The following VPS13A variants were observed in gnomAD, a reference collection of about 807,000 sequenced individuals.
The protein encoded by VPS13A is vacuolar protein sorting 13 homolog A.
In VPS13A, 264 loss-of-function variants were observed where a neutral mutation model predicts 390.9. The observed-to-expected ratio is 0.68, with a 90% CI of 0.61 to 0.75. The LOEUF (loss-of-function observed/expected upper bound fraction) is 0.75. VPS13A is among the 30% of genes least tolerant of loss of function. The probability of loss-of-function intolerance (pLI) is 0.00; values close to 1 mark genes in which losing one functional copy is unlikely to be tolerated. For missense variants in VPS13A, 3,409 were observed against 3,733.9 expected (o/e 0.91, Z 2.27); for synonymous variants, 1,231 against 1,227.1 (o/e 1.00, Z -0.07).
At chr9:77,198,912 C>T (rs1385199927) in intron 1 of VPS13A, among the ~76,000 whole-genome samples, 2 of 152,154 alleles carry the variant, frequency 1.3e-5, no homozygotes, top group South Asian at 2.1e-4. Context: ...ATCCACCTGC[C>T]TCAGCCTCTC....
At chr9:77,328,002 A>G (rs1410377482) in intron 45 of VPS13A, among the ~76,000 whole-genome samples, 1 of 152,224 alleles carries the variant, frequency 6.6e-6, no homozygotes. Flanking sequence ...ATCACTATCT[A>G]TGGGAGCTGT....
At chr9:77,414,664 C>T (rs1428699058) in intron 71 of VPS13A, among the ~76,000 whole-genome samples, 1 of 151,736 alleles carries the variant, frequency 6.6e-6, no homozygotes, top group Non-Finnish European at 1.5e-5. Flanking sequence ...GGGTGCAGCA[C>T]ACCAACATGG....
intron 23 of VPS13A, among the ~76,000 whole-genome samples, chr9:77,262,170 GGTT>G (rs1003911266): frequency 4.6e-5 from 7 of 151,932 alleles, no homozygotes; most frequent in Non-Finnish European, 8.8e-5. Context: ...TTTATTGTTT[GGTT>G]GTTTTTTATC....
chr9:77,382,257 GA>G (rs746974070), intron 68 of VPS13A, 170 bp downstream of exon 68: 3 of 1,473,506 alleles, frequency 2.0e-6, no homozygotes, highest in Middle Eastern at 2.2e-4. Context: ...TTTACTATAA[GA>G]TTTTTTTTTC....
chr9:77,308,459 T>A (rs1161959509), intron 35 of VPS13A, among the ~76,000 whole-genome samples: 1 of 152,120 alleles, frequency 6.6e-6, no homozygotes, highest in Admixed American at 6.6e-5. Flanking sequence ...CCCCATCTTC[T>A]CCCTATCCCT....
intron 2 of VPS13A, among the ~76,000 whole-genome samples, chr9:77,200,938 A>G (rs1472028091): frequency 2.6e-5 from 4 of 152,162 alleles, no homozygotes; most frequent in South Asian, 2.1e-4. Context: ...TCCTAGCACC[A>G]TTTATTTAAA....
chr9:77,264,380 T>C (rs1031050956), intron 23 of VPS13A, among the ~76,000 whole-genome samples: 1 of 152,170 alleles, frequency 6.6e-6, no homozygotes, highest in African/African-American at 2.4e-5. Context: ...ATAAATTACC[T>C]TGGGCAGTAT....
rs779715802 is a variant in VPS13A at position 77,318,382 on chromosome 9, G to A, written c.5104G>A (p.Glu1702Lys). 3.6e-5 allele frequency: 58 copies of A among 1,613,698 alleles called. No individual in the cohort carries two copies. The highest frequency in any genetic ancestry group is 4.8e-5 in the Non-Finnish European group (57 of 1,179,888). The part of the protein sequence containing the change: ...TKTLKMWFLE[E>K]SNETEKIAPT... ...GACTTTAAAAATGTGGTTTCTTGAA[G>A]AATCAAATGAAACTGAAAAAATAGC... Residue 1702 changes from glutamate to lysine, a missense_variant, in exon 41 of 72, where the codon GAA becomes AAA. By Grantham distance (56) the Glu-to-Lys change is moderately conservative. This residue lies in a region of VPS13A where 2,717 missense variants were observed against 2,917.4 expected (regional missense o/e 0.93). Coordinates refer to ENST00000360280, the MANE Select transcript of VPS13A (RefSeq NM_033305.3).
chr9:77,376,160 T>C (rs962740041), intron 67 of VPS13A, among the ~76,000 whole-genome samples: 11 of 152,194 alleles, frequency 7.2e-5, no homozygotes, highest in South Asian at 2.1e-4. Context: ...AAAGCCCTGA[T>C]GCAAGAATGT....
intron 71 of VPS13A, 171 bp downstream of exon 71, chr9:77,407,778 A>T: frequency 1.8e-6 from 1 of 564,550 alleles, no homozygotes. Context: ...TTTACCCCAG[A>T]CTTTTTTTTC....
intron 22 of VPS13A, among the ~76,000 whole-genome samples, chr9:77,257,568 T>G (rs1479637852): frequency 6.6e-6 from 1 of 152,190 alleles, no homozygotes; most frequent in East Asian, 1.9e-4. Flanking sequence ...GCCTGGCCAA[T>G]GTAGTAAGAC....
intron 19 of VPS13A, among the ~76,000 whole-genome samples, chr9:77,245,363 C>G (rs574866266): frequency 5.3e-4 from 80 of 152,290 alleles, no homozygotes; most frequent in Admixed American, 2.5e-3. Flanking sequence ...CAGATAGTCT[C>G]TGGAGAATCT....
intron 57 of VPS13A, 98 bp downstream of exon 57, chr9:77,358,536 T>G: frequency 5.8e-6 from 6 of 1,032,832 alleles, no homozygotes; most frequent in Non-Finnish European, 8.8e-6. Context: ...TTGGGTTTAA[T>G]TTTTATAGGA....
chr9:77,315,034 T>C (rs952595008), intron 37 of VPS13A, among the ~76,000 whole-genome samples: 5 of 152,180 alleles, frequency 3.3e-5, no homozygotes, highest in Non-Finnish European at 5.9e-5. Context: ...CAAACTCTTA[T>C]AATTTATTGA....
Position 77,377,805 on chromosome 9 carries a change from TA to T in VPS13A, c.9078-4170del, listed in dbSNP as rs571413039. 2.6e-5 allele frequency among the ~76,000 whole-genome samples: 4 copies of T among 152,310 alleles called. No homozygotes were observed. In the East Asian group the frequency reaches 7.7e-4, roughly 29 times the overall value. ...GACATGCCTATATTGCTTTTAATCTTAGGGGGAAAGCTTTCAGATGTTCACC... is the reference window on the plus strand; with the variant it reads ...GACATGCCTATATTGCTTTTAATCTTGGGGGAAAGCTTTCAGATGTTCACC... On this transcript the variant is annotated intron_variant, in intron 67 of 71. Transcript: ENST00000360280.
intron 46 of VPS13A, among the ~76,000 whole-genome samples, chr9:77,333,606 G>T (rs1830393450): frequency 6.6e-6 from 1 of 151,824 alleles, no homozygotes; most frequent in Non-Finnish European, 1.5e-5. Flanking sequence ...CAGAGACAGG[G>T]TTTGTCCATT....
intron 68 of VPS13A, among the ~76,000 whole-genome samples, chr9:77,391,312 A>G (rs1209734813): frequency 2.0e-5 from 3 of 152,354 alleles, no homozygotes; most frequent in South Asian, 2.1e-4. Flanking sequence ...TTAGAAAACT[A>G]GTATACATTA....
intron 22 of VPS13A, among the ~76,000 whole-genome samples, chr9:77,259,290 A>C (rs1309321108): frequency 6.6e-6 from 1 of 152,128 alleles, no homozygotes; most frequent in Non-Finnish European, 1.5e-5. Context: ...CAGATTTTTC[A>C]AGAAAGTGAA....
chr9:77,343,455 G>C (rs1830951784), intron 50 of VPS13A, among the ~76,000 whole-genome samples: 1 of 152,198 alleles, frequency 6.6e-6, no homozygotes, highest in Non-Finnish European at 1.5e-5. Flanking sequence ...GAAGGGATCA[G>C]TCTGGTCAGG....
Sources: gnomAD v4.1 joint callset for allele counts (sites outside exome capture counted in the v4.1 genomes callset) on GRCh38, gnomAD v4.1.1 for gene constraint, gnomAD v4.1.1 regional missense constraint, MANE v1.5 for transcripts, NCBI Gene and HGNC (gene_info 2026-07-23, HGNC 2026-07-21) for gene names.